The following PRPF3 variants were observed in gnomAD, a reference collection of about 807,000 sequenced individuals.
PRPF3 encodes the protein pre-mRNA processing factor 3, also known as U4/U6 small nuclear ribonucleoprotein Prp3.
PRPF3 carries 3 observed loss-of-function variants against 89.2 expected under a neutral mutation model. The ratio of observed to expected loss-of-function variants is 0.03; its 90% confidence interval spans 0.02 to 0.09. The LOEUF (loss-of-function observed/expected upper bound fraction) is 0.09, where lower values mean the gene tolerates loss of function less well. Among genes scored for constraint, PRPF3 ranks in the 10% least tolerant of loss-of-function variants. PRPF3 has a pLI of 1.00. For synonymous variants in PRPF3, 270 were observed against 289.1 expected (o/e 0.93, Z 0.67); for missense variants, 463 against 828.8 (o/e 0.56, Z 5.42).
At chr1:150,326,218 G>A (rs887686172) in intron 3 of PRPF3, among the ~76,000 whole-genome samples, 7 of 151,846 alleles carry the variant, frequency 4.6e-5, no homozygotes, top group African/African-American at 1.7e-4. Context: ...ATTTATTTGA[G>A]GCCTAATAAG....
chr1:150,328,582 T>G, intron 4 of PRPF3, 116 bp downstream of exon 4: 1 of 1,058,314 alleles, frequency 9.4e-7, no homozygotes, highest in Non-Finnish European at 1.3e-6. Context: ...GGTGGAGTTT[T>G]GCTCTTGTCA....
chr1:150,335,671 G>A (rs1361703308), intron 7 of PRPF3, among the ~76,000 whole-genome samples: 3 of 151,728 alleles, frequency 2.0e-5, no homozygotes, highest in Non-Finnish European at 4.4e-5. Flanking sequence ...CTCCGTGTTG[G>A]TCAGGCTGGT....
At chr1:150,345,751 G>A (rs1276035360) in intron 12 of PRPF3, 1 of 451,620 alleles carries the variant, frequency 2.2e-6, no homozygotes, top group African/African-American at 2.0e-5. Flanking sequence ...TTGGATGATA[G>A]TAAATACCTC....
At position 150,343,367 on chromosome 1, in the gene PRPF3, A is replaced by G. The variant is rs376982645; in HGVS notation, c.1341A>G (p.Lys447=). The part of the protein sequence containing the change: ...GVYLTKKEQK[K]LRRQTRREAQ... ...ATCTTACCAAGAAGGAACAGAAAAAACTTCGGAGACAAACAAGGAGGGAAG... is the reference window on the plus strand; with the variant it reads ...ATCTTACCAAGAAGGAACAGAAAAAGCTTCGGAGACAAACAAGGAGGGAAG... The change falls in exon 10 of 16, where the codon AAA becomes AAG. Residue 447 remains lysine, a synonymous_variant. Coordinates refer to ENST00000324862, the MANE Select transcript of PRPF3 (RefSeq NM_004698.4). The G allele has an allele frequency of 6.2e-7, 1 of 1,602,276 alleles. No homozygotes were observed. The highest frequency in any genetic ancestry group is 8.5e-7 in the Non-Finnish European group (1 of 1,172,038).
chr1:150,323,124 C>T (rs1553862612), intron 1 of PRPF3, among the ~76,000 whole-genome samples: 1 of 147,802 alleles, frequency 6.8e-6, no homozygotes, highest in African/African-American at 2.5e-5. Flanking sequence ...ATCCACCCGC[C>T]TTGGCCTCCC....
chr1:150,348,188 G>T (rs1658488447), intron 14 of PRPF3, among the ~76,000 whole-genome samples: 1 of 151,830 alleles, frequency 6.6e-6, no homozygotes, highest in South Asian at 2.1e-4. Context: ...TTTGAGACCA[G>T]CCTGACATGG....
chr1:150,340,234 T>G (rs1391012588), intron 8 of PRPF3, among the ~76,000 whole-genome samples, 164 bp from the exon 9 acceptor site: 1 of 152,194 alleles, frequency 6.6e-6, no homozygotes, highest in Admixed American at 6.6e-5. Flanking sequence ...ATGAAAATTA[T>G]GTGTAATTTA....
At chr1:150,323,358 G>C (rs781860602) in intron 1 of PRPF3, among the ~76,000 whole-genome samples, 67 of 151,588 alleles carry the variant, frequency 4.4e-4, no homozygotes, top group African/African-American at 1.6e-3. Flanking sequence ...TGTATTTTTA[G>C]TAGAGACAGG....
At chr1:150,323,264 C>T (rs1477248591) in intron 1 of PRPF3, among the ~76,000 whole-genome samples, 4 of 146,974 alleles carry the variant, frequency 2.7e-5, no homozygotes, top group Non-Finnish European at 6.0e-5. Context: ...GCAACCTCCG[C>T]CTCCTGGGTT....
rs1274378591 is a variant in PRPF3, at chr1:150,321,591, A to C, written c.-50A>C. On this transcript the variant is annotated splice_region_variant and 5_prime_UTR_variant, in exon 1 of 16. Coordinates refer to ENST00000324862, the MANE Select transcript of PRPF3 (RefSeq NM_004698.4). ...TCCGTCTCAGGGGCTGAAGTTTGTG[A>C]GGTGAGTAGTGGCCCCGGGCCCACA... 1 of 152,564 alleles carries C rather than the reference A, an allele frequency of 6.6e-6. No individual in the cohort carries two copies. The highest frequency in any genetic ancestry group is 2.4e-5 in the African/African-American group (1 of 41,404). 9.5% of individuals were successfully genotyped at this position (152,564 alleles called of 1,614,324 possible).
chr1:150,338,094 G>C, intron 7 of PRPF3, 66 bp from the exon 8 acceptor site: 1 of 1,478,836 alleles, frequency 6.8e-7, no homozygotes, highest in South Asian at 1.2e-5. Flanking sequence ...AAAAAATTGA[G>C]ATTCTACACA....
At chr1:150,338,531 C>T (rs927829412) in intron 8 of PRPF3, among the ~76,000 whole-genome samples, 15 of 133,888 alleles carry the variant, frequency 1.1e-4, no homozygotes, top group Admixed American at 2.6e-4. Context: ...GAGGGAGTCT[C>T]GCTCTGTCAC....
chr1:150,346,291 C>T, intron 13 of PRPF3, 117 bp from the exon 14 acceptor site: 2 of 1,249,324 alleles, frequency 1.6e-6, no homozygotes, highest in Admixed American at 1.7e-5. Context: ...GAGTAGAAGG[C>T]CCTAAGATGT....
intron 8 of PRPF3, among the ~76,000 whole-genome samples, 172 bp downstream of exon 8, chr1:150,338,498 A>AT (rs1266003723): frequency 1.4e-4 from 20 of 141,086 alleles, no homozygotes; most frequent in Non-Finnish European, 2.0e-4. Context: ...AGGTCCTGTT[A>AT]TTTTTTTTTT....
At chr1:150,349,465 A>T (rs1658665730) in intron 15 of PRPF3, among the ~76,000 whole-genome samples, 2 of 152,358 alleles carry the variant, frequency 1.3e-5, no homozygotes, top group South Asian at 4.1e-4. Context: ...TGGTAGCAGG[A>T]ATACAAATTC....
intron 9 of PRPF3, among the ~76,000 whole-genome samples, chr1:150,342,684 A>G (rs1657885887): frequency 6.6e-6 from 1 of 151,858 alleles, no homozygotes; most frequent in Non-Finnish European, 1.5e-5. Context: ...CACCACGCCC[A>G]GCTAATTTTT....
intron 1 of PRPF3, among the ~76,000 whole-genome samples, chr1:150,323,934 G>A (rs1655403466): frequency 6.6e-6 from 1 of 151,740 alleles, no homozygotes; most frequent in Non-Finnish European, 1.5e-5. Context: ...CTGCCACCAT[G>A]CCCAGCTAAA....
intron 2 of PRPF3, 66 bp from the exon 3 acceptor site, chr1:150,325,685 A>T: frequency 6.4e-7 from 1 of 1,561,020 alleles, no homozygotes; most frequent in Non-Finnish European, 8.8e-7. Context: ...GGTACCTGTT[A>T]TAGGCCTAGT....
Position 150,325,847 on chromosome 1 carries a change from C to A in PRPF3, c.242C>A (p.Ser81Tyr). Reference sequence around the variant, plus strand: ...GGCCGAAGCTCTAGGCATTCCAAGTCTAGCAGTGACAGGAGCAGAAAACGA... The same window carrying A: ...GGCCGAAGCTCTAGGCATTCCAAGTATAGCAGTGACAGGAGCAGAAAACGA... ...EEGRSSRHSK[S>Y]SSDRSRKREL... The change falls in exon 3 of 16, where the codon TCT (serine) becomes TAT (tyrosine). Residue 81 changes from serine (S) to tyrosine (Y), a missense_variant. Ser to Tyr is a moderately radical substitution (Grantham distance 144, BLOSUM62 -2). This residue lies in a region of PRPF3 where 21 missense variants were observed against 16.6 expected (regional missense o/e 1.26). Coordinates refer to ENST00000324862, the MANE Select transcript of PRPF3 (RefSeq NM_004698.4). 6.2e-7 allele frequency: 1 copy of A among 1,613,676 alleles called. No individual in the cohort carries two copies. The highest frequency in any genetic ancestry group is 1.1e-5 in the South Asian group (1 of 91,054).
Sources: gnomAD v4.1 joint callset for allele counts (sites outside exome capture counted in the v4.1 genomes callset) on GRCh38, gnomAD v4.1.1 for gene constraint, gnomAD v4.1.1 regional missense constraint, MANE v1.5 for transcripts, NCBI Gene and HGNC (gene_info 2026-07-23, HGNC 2026-07-21) for gene names.